Variants in CLEC12A observed in about 807,000 individuals in gnomAD.
CLEC12A encodes the protein C-type lectin protein CLL-1.
In CLEC12A, 22 loss-of-function variants were observed where a neutral mutation model predicts 26.5. The ratio of observed to expected loss-of-function variants is 0.83; its 90% CI spans 0.59 to 1.19. CLEC12A has a LOEUF of 1.19. CLEC12A is among the 50% of genes most tolerant of loss of function. The pLI is 0.00. For synonymous variants in CLEC12A, 119 were observed against 101.9 expected (o/e 1.17, Z -1.01); for missense variants, 353 against 315.6 (o/e 1.12, Z -0.90).
intron 4 of CLEC12A, among the ~76,000 whole-genome samples, chr12:9,993,587 A>C (rs1357208175): frequency 6.6e-6 from 1 of 152,114 alleles, no homozygotes; most frequent in Non-Finnish European, 1.5e-5. Flanking sequence ...GGGAAAACGC[A>C]TTATCTACAA....
At chr12:9,979,560 A>T (rs770483468) in intron 3 of CLEC12A, 36 bp downstream of exon 3, 2 of 1,483,046 alleles carry the variant, frequency 1.3e-6, no homozygotes, top group Non-Finnish European at 9.3e-7. Flanking sequence ...TTTATTGGAC[A>T]ATAAACTAAA....
chr12:9,966,434 T>A (rs1306708152), upstream of CLEC12A, among the ~76,000 whole-genome samples: 5 of 152,106 alleles, frequency 3.3e-5, no homozygotes, highest in African/African-American at 1.2e-4. Context: ...GACAGTCTGA[T>A]TTCCAGTGGG....
downstream of CLEC12A, among the ~76,000 whole-genome samples, chr12:9,989,326 C>T (rs1864842233): frequency 1.3e-5 from 2 of 150,778 alleles, no homozygotes. Flanking sequence ...AACTAACCTG[C>T]ACGTTGTGCA....
At chr12:9,979,145 G>A in intron 2 of CLEC12A, 81 bp downstream of exon 2, 1 of 1,226,972 alleles carries the variant, frequency 8.2e-7, no homozygotes, top group Non-Finnish European at 1.2e-6. Flanking sequence ...TCCTTCAGTG[G>A]AAGATTTATA....
At chr12:9,997,220 G>A (rs1324215489), downstream of CLEC12A, 1 of 1,613,700 alleles carries the variant, frequency 6.2e-7, no homozygotes, top group Non-Finnish European at 8.5e-7. Context: ...TTTGCTAATT[G>A]TTGCAGAGTT....
chr12:9,960,884 C>T lies in CLEC12A; in HGVS notation c.10+9528C>T, dbSNP rs559428369. Among the ~76,000 whole-genome samples, 4 of 152,264 alleles carry T rather than the reference C, an allele frequency of 2.6e-5. No individual in the cohort carries two copies. The East Asian group carries it at 7.7e-4, about 29-fold the overall frequency. ...ACCCAGCATGATTTTTTCCCTACCT[C>T]TGCCTAATTTCTATTTTTCCCCTGT... On this transcript the variant is annotated intron_variant, in intron 1 of 6. Coordinates refer to the CLEC12A transcript ENST00000355690.
Position 9,979,372 on chromosome 12 carries a change from A to G in CLEC12A, c.227A>G (p.Asn76Ser). ...VTLKIEMKKM[N>S]KLQNISEELQ... is the part of the protein sequence containing the mutation. ...TTGAAGATAGAAATGAAAAAAATGA[A>G]CAAACTACAAAACATCAGTGAAGAG... The change falls in exon 3 of 6, where the codon AAC becomes AGC. Residue 76 changes from asparagine to serine, a missense_variant. Physicochemically the swap from Asn to Ser is conservative, Grantham distance 46. Coordinates refer to ENST00000304361, the MANE Select transcript of CLEC12A (RefSeq NM_138337.6). 1 of 1,602,566 alleles carries G rather than the reference A, an allele frequency of 6.2e-7. No individual in the cohort carries two copies. Among genetic ancestry groups the G allele is most frequent in the Non-Finnish European group, 8.5e-7 (1 of 1,174,546 alleles).
chr12:9,971,524 AC>A lies in CLEC12A; in HGVS notation c.-72del, dbSNP rs1466798436. ...AGTTTAAAATTATAGGTCCTGTTTAACATTCAGCTCTGTTAACTCACTCATC... is the reference window on the plus strand; with the variant it reads ...AGTTTAAAATTATAGGTCCTGTTTAAATTCAGCTCTGTTAACTCACTCATC... On this transcript the variant is annotated 5_prime_UTR_variant, in exon 1 of 6. Transcript: ENST00000304361. 6.5e-7 allele frequency: 1 copy of A among 1,539,224 alleles called. No homozygotes were observed. The highest frequency in any genetic ancestry group is 2.3e-5 in the East Asian group (1 of 42,878).
downstream of CLEC12A, chr12:9,999,004 A>G (rs199957131): frequency 1.7e-5 from 21 of 1,272,224 alleles, no homozygotes; most frequent in African/African-American, 3.0e-4. Context: ...TTTTTAAATT[A>G]ATTTCCAAAT....
downstream of CLEC12A, among the ~76,000 whole-genome samples, chr12:9,988,987 G>A (rs1316660345): frequency 2.6e-5 from 4 of 152,118 alleles, no homozygotes; most frequent in Admixed American, 2.6e-4. Context: ...TGATAGACTG[G>A]ATTAAGAAAA....
upstream of CLEC12A, among the ~76,000 whole-genome samples, chr12:9,968,988 A>G (rs1298390177): frequency 1.3e-5 from 2 of 152,202 alleles, no homozygotes; most frequent in African/African-American, 2.4e-5. Context: ...TAACTGAAAT[A>G]AGCCAGGCAC....
downstream of CLEC12A, chr12:9,997,224 C>T (rs373866361): frequency 1.4e-5 from 22 of 1,613,712 alleles, no homozygotes; most frequent in African/African-American, 2.3e-4. Flanking sequence ...CTAATTGTTG[C>T]AGAGTTCCTG....
chr12:9,984,917 T>A lies in CLEC12A; in HGVS notation c.689T>A (p.Ile230Lys). Residue 230 changes from isoleucine (I) to lysine (K), a missense_variant, in exon 6 of 6, where the codon ATA (isoleucine) becomes AAA (lysine). Coordinates refer to ENST00000304361, the MANE Select transcript of CLEC12A (RefSeq NM_138337.6). Reference protein sequence around the residue: ...PDLNNMYCGYINRLYVQYYHC... With the variant: ...PDLNNMYCGYKNRLYVQYYHC... ...TTAAATAACATGTATTGTGGATATA[T>A]AAATAGACTATATGTTCAATATTAT... 5 of 1,582,892 alleles carry A rather than the reference T, an allele frequency of 3.2e-6. No individual in the cohort carries two copies. The South Asian group carries it at 5.8e-5, about 18-fold the overall frequency.
intron 1 of CLEC12A, among the ~76,000 whole-genome samples, chr12:9,962,644 A>G (rs1400687606): frequency 6.6e-6 from 1 of 152,140 alleles, no homozygotes; most frequent in East Asian, 1.9e-4. Context: ...GGGGGCCACA[A>G]GGTGCTCAGT....
chr12:9,971,654 A>G lies in CLEC12A; in HGVS notation c.58A>G (p.Lys20Glu), dbSNP rs531336470. Residue 20 changes from lysine (K) to glutamate (E), a missense_variant, in exon 1 of 6, where the codon AAA becomes GAA. Physicochemically the swap from Lys to Glu is moderately conservative, Grantham distance 56. Transcript: ENST00000304361. ...LQFQNSSEME[K>E]IPEIGKFGEK... is the part of the protein sequence containing the mutation. Reference sequence around the variant, plus strand: ...ATTCCAGAACTCCAGTGAGATGGAAAAAATCCCAGAAATTGGCAAATTTGG... The same window carrying G: ...ATTCCAGAACTCCAGTGAGATGGAAGAAATCCCAGAAATTGGCAAATTTGG... 3 of 1,610,504 alleles carry G rather than the reference A, an allele frequency of 1.9e-6. No homozygotes were observed. The African/African-American group carries it at 4.0e-5, about 22-fold the overall frequency.
chr12:10,005,611 G>GT, the CLEC12A span, among the ~76,000 whole-genome samples: 1 of 152,208 alleles, frequency 6.6e-6, no homozygotes, highest in Non-Finnish European at 1.5e-5. Context: ...CACAAGGCAA[G>GT]TAAGTGTTGC....
chr12:9,996,752 T>C (rs1219807271), downstream of CLEC12A: 2 of 1,288,010 alleles, frequency 1.6e-6, no homozygotes, highest in African/African-American at 2.9e-5. Context: ...CTGAAAGATG[T>C]TAAGAAAAAT....
intron 1 of CLEC12A, chr12:9,951,694 A>C (rs779875637): frequency 4.6e-5 from 15 of 325,424 alleles, no homozygotes; most frequent in Non-Finnish European, 4.1e-5. Flanking sequence ...TTGTTGCAGC[A>C]GTTAGATTGT....
upstream of CLEC12A, among the ~76,000 whole-genome samples, chr12:9,968,232 C>T (rs613123): frequency 0.58 from 87,273 of 151,776 alleles, 25,405 homozygotes; most frequent in South Asian, 0.72. Flanking sequence ...ATTGATCTCC[C>T]AAGGGAGGTC....
Sources: gnomAD v4.1 joint callset for allele counts (sites outside exome capture counted in the v4.1 genomes callset) on GRCh38, gnomAD v4.1.1 for gene constraint, MANE v1.5 for transcripts, NCBI Gene and HGNC (gene_info 2026-07-23, HGNC 2026-07-21) for gene names.